The following TET1 variants were observed in gnomAD, a reference collection of about 807,000 sequenced individuals.
TET1 encodes the protein methylcytosine dioxygenase TET1.
Under a neutral mutation model 148.7 loss-of-function variants are expected in TET1, and 13 were observed. The ratio of observed to expected loss-of-function variants is 0.09; its 90% CI spans 0.06 to 0.14. TET1 has a LOEUF of 0.14. Among genes scored for constraint, TET1 ranks in the 10% least tolerant of loss-of-function variants. TET1 has a pLI of 1.00. For synonymous variants in TET1, 907 were observed against 937.2 expected, an observed-to-expected ratio of 0.97 and a Z score of 0.59; for missense variants, 2,182 against 2,553.8, an observed-to-expected ratio of 0.85 and a Z score of 3.14.
At chr10:68,668,591 G>A (rs2055225883) in intron 7 of TET1, among the ~76,000 whole-genome samples, 1 of 152,170 alleles carries the variant, frequency 6.6e-6, no homozygotes, top group Admixed American at 6.6e-5. Context: ...TTGTTGTTTT[G>A]TTTTTTTGAG....
chr10:68,573,309 C>T lies in TET1; in HGVS notation c.971C>T (p.Thr324Ile). 1 of 1,614,050 alleles carries T rather than the reference C, an allele frequency of 6.2e-7. No individual in the cohort carries two copies. Among genetic ancestry groups the T allele is most frequent in the Non-Finnish European group, 8.5e-7 (1 of 1,180,020 alleles). Residue 324 changes from threonine (T) to isoleucine (I), a missense_variant, in exon 2 of 12, where the codon ACC becomes ATC. Thr to Ile is a moderately conservative substitution (Grantham distance 89). Coordinates refer to ENST00000373644, the MANE Select transcript of TET1 (RefSeq NM_030625.3). ...GCTCTTGGTGGGTCTACGTCTCCTA[C>T]CTCTGTAATAAAATTCCTCTTGGCA... is the stretch of plus-strand genomic sequence containing the variant. ...CLALGGSTSPTSVIKFLLAGS... is the reference protein window; with the variant it reads ...CLALGGSTSPISVIKFLLAGS...
intron 10 of TET1, among the ~76,000 whole-genome samples, chr10:68,685,086 C>G (rs963095374): frequency 3.9e-5 from 6 of 151,910 alleles, no homozygotes; most frequent in African/African-American, 1.5e-4. Context: ...GAGACCCTGT[C>G]TCTACAATTA....
chr10:68,684,353 G>A (rs1266446487), intron 10 of TET1, among the ~76,000 whole-genome samples: 2 of 149,510 alleles, frequency 1.3e-5, no homozygotes, highest in East Asian at 3.9e-4. Context: ...AAGAGTATTG[G>A]TGATAGATTA....
In TET1 at chr10:68,691,325, C is replaced by G; in HGVS notation, c.5922C>G (p.Pro1974=). 6.2e-7 allele frequency: 1 copy of G among 1,614,172 alleles called. No individual in the cohort carries two copies. Among genetic ancestry groups the G allele is most frequent in the East Asian group, 2.2e-5 (1 of 44,882 alleles). The stretch of plus-strand genomic sequence containing the variant: ...CAGATGAGCCTCCATCAGACGAACC[C>G]CTATCTGATGACCCCCTGTCACCTG... The part of the protein sequence containing the change: ...SEADEPPSDE[P]LSDDPLSPAE... The change falls in exon 12 of 12, where the codon CCC becomes CCG. Residue 1974 remains proline (P), a synonymous_variant. Coordinates refer to ENST00000373644, the MANE Select transcript of TET1 (RefSeq NM_030625.3). The surrounding 1 kb of genome is among the most constrained non-coding windows in gnomAD (Gnocchi z 4.4).
chr10:68,686,555 T>C lies in TET1; in HGVS notation c.5252T>C (p.Val1751Ala). Residue 1751 changes from valine to alanine, a missense_variant, in exon 11 of 12, where the codon GTT becomes GCT. This residue lies in a region of TET1 where 380 missense variants were observed against 387.9 expected (regional missense o/e 0.98). Transcript: ENST00000373644. ...RKKRTCFTQP[V>A]PRSGKKRAAM... is the part of the protein sequence containing the mutation. ...AAAAGAACGTGTTTCACTCAGCCTG[T>C]TCCCCGTTCTGGAAAGAAGAGGGCT... 2 of 1,614,186 alleles carry C rather than the reference T, an allele frequency of 1.2e-6. No homozygotes were observed. The highest frequency in any genetic ancestry group is 1.7e-6 in the Non-Finnish European group (2 of 1,180,038).
At chr10:68,581,228 T>G (rs1323283822) in intron 2 of TET1, among the ~76,000 whole-genome samples, 3 of 152,160 alleles carry the variant, frequency 2.0e-5, no homozygotes, top group African/African-American at 7.2e-5. Flanking sequence ...AAACTTAATT[T>G]GTCATCTGTC....
intron 1 of TET1, among the ~76,000 whole-genome samples, chr10:68,567,876 A>G (rs1043600481): frequency 1.3e-5 from 2 of 152,156 alleles, no homozygotes; most frequent in Non-Finnish European, 2.9e-5. Context: ...GTTACCAACA[A>G]CCGTTTTCCT....
chr10:68,674,016 C>G (rs1456152715), intron 8 of TET1, among the ~76,000 whole-genome samples: 3 of 127,018 alleles, frequency 2.4e-5, no homozygotes, highest in Admixed American at 9.7e-5. Context: ...GGCTGGAGTA[C>G]AAAGGTGTGA....
chr10:68,582,457 A>G lies in TET1; in HGVS notation c.1914+8205A>G, dbSNP rs186409409. ...TCATTACCACGCTAGCCTCTTAATT[A>G]ATGCAAATTCCACTGGAAAAAAAAT... On this transcript the variant is annotated intron_variant, in intron 2 of 11. Transcript: ENST00000373644. Among the ~76,000 whole-genome samples the G allele has an allele frequency of 3.8e-3, 577 of 152,320 alleles. 1 individual carries two copies. The highest frequency in any genetic ancestry group is 6.1e-3 in the Non-Finnish European group (417 of 68,034).
chr10:68,670,009 G>A (rs1030473072), intron 7 of TET1, among the ~76,000 whole-genome samples: 3 of 152,010 alleles, frequency 2.0e-5, no homozygotes, highest in South Asian at 2.1e-4. Context: ...ATTTGTTTAC[G>A]TACACATACA....
At chr10:68,644,026 TC>T (rs1324654632) in intron 3 of TET1, among the ~76,000 whole-genome samples, 1 of 150,588 alleles carries the variant, frequency 6.6e-6, no homozygotes, top group Non-Finnish European at 1.5e-5. Context: ...TGCTTCTGCC[TC>T]CCAAGTAGCT....
At chr10:68,563,151 C>G (rs1191723164) in intron 1 of TET1, among the ~76,000 whole-genome samples, 1 of 152,062 alleles carries the variant, frequency 6.6e-6, no homozygotes, top group South Asian at 2.1e-4. Context: ...CTTTTCCCCC[C>G]TTTTTTCCCC....
intron 3 of TET1, among the ~76,000 whole-genome samples, chr10:68,606,658 A>T (rs1034353626): frequency 2.6e-5 from 4 of 152,194 alleles, no homozygotes; most frequent in Non-Finnish European, 5.9e-5. Context: ...CCAGGCAACT[A>T]ATCCCAGACT....
intron 10 of TET1, among the ~76,000 whole-genome samples, chr10:68,684,330 G>C (rs2055479957): frequency 6.6e-6 from 1 of 150,740 alleles, no homozygotes; most frequent in East Asian, 1.9e-4. Flanking sequence ...TTTCTTCCTT[G>C]CTTGGTCAGT....
chr10:68,654,767 G>A (rs1183658575), intron 6 of TET1, among the ~76,000 whole-genome samples: 2 of 152,194 alleles, frequency 1.3e-5, no homozygotes, highest in African/African-American at 2.4e-5. Context: ...TAACAAACAG[G>A]TATTATCTCC....
intron 6 of TET1, among the ~76,000 whole-genome samples, chr10:68,659,607 C>A (rs1045866631): frequency 3.3e-5 from 5 of 152,216 alleles, no homozygotes; most frequent in African/African-American, 1.2e-4. Flanking sequence ...GCATGAGCCA[C>A]CGCGCCCGGC....
At chr10:68,609,389 G>T (rs1366959376) in intron 3 of TET1, among the ~76,000 whole-genome samples, 1 of 152,056 alleles carries the variant, frequency 6.6e-6, no homozygotes, top group Non-Finnish European at 1.5e-5. Context: ...TCGAACTCCT[G>T]ACCTCAGGTG....
At chr10:68,624,674 C>CTT (rs2054443554) in intron 3 of TET1, among the ~76,000 whole-genome samples, 1 of 85,524 alleles carries the variant, frequency 1.2e-5, no homozygotes, top group African/African-American at 4.9e-5. Flanking sequence ...CTCTCTCTCT[C>CTT]TCTCTCTCTC....
intron 7 of TET1, 47 bp downstream of exon 7, chr10:68,667,303 C>T (rs1228178797): frequency 6.7e-7 from 1 of 1,484,232 alleles, no homozygotes; most frequent in East Asian, 2.4e-5. Context: ...ATCTCTATTA[C>T]ATATTGGTAA....
Sources: allele counts gnomAD v4.1 joint callset (sites outside exome capture counted in the v4.1 genomes callset), GRCh38; gene constraint gnomAD v4.1.1; regional missense constraint gnomAD v4.1.1; non-coding constraint Gnocchi (gnomAD v3.1); transcripts MANE v1.5; gene names NCBI Gene and HGNC (gene_info 2026-07-23, HGNC 2026-07-21).